The following EPSTI1 variants were observed in gnomAD, a reference collection of about 807,000 sequenced individuals.
EPSTI1 encodes the protein epithelial stromal interaction 1.
EPSTI1 carries 66 observed loss-of-function variants against 49.9 expected under a neutral mutation model. The ratio of observed to expected loss-of-function variants is 1.32; its 90% CI spans 1.08 to 1.62. The LOEUF is 1.62. Ranked by LOEUF, EPSTI1 falls within the 40% of genes most tolerant of loss-of-function variation. The pLI is 0.00. For missense variants in EPSTI1, 394 were observed against 365.5 expected (o/e 1.08, Z -0.64); for synonymous variants, 137 against 130.7 (o/e 1.05, Z -0.33).
Position 42,917,615 on chromosome 13 carries a change from A to G in EPSTI1, c.667T>C (p.Trp223Arg), listed in dbSNP as rs1277274755. The change falls in exon 8 of 11, where the codon TGG becomes CGG. Residue 223 changes from tryptophan to arginine, a missense_variant. Coordinates refer to ENST00000313624, the MANE Select transcript of EPSTI1 (RefSeq NM_033255.5). ...GPQSSTWARS[W>R]AYRDSLKAEE... ...GCCTTTAGAGAATCTCTGTAAGCCCAGCTTCTGGCCTGTAAAGGTACAAAG... is the reference window on the plus strand; with the variant it reads ...GCCTTTAGAGAATCTCTGTAAGCCCGGCTTCTGGCCTGTAAAGGTACAAAG... 1.1e-6 allele frequency: 1 copy of G among 932,396 alleles called. No homozygotes were observed. Among genetic ancestry groups the G allele is most frequent in the African/African-American group, 1.7e-5 (1 of 60,492 alleles). 57.8% of individuals were successfully genotyped at this position (932,396 alleles called of 1,614,324 possible).
intron 6 of EPSTI1, among the ~76,000 whole-genome samples, chr13:42,953,177 G>T (rs924845595): frequency 2.0e-5 from 3 of 151,374 alleles, no homozygotes; most frequent in Non-Finnish European, 4.4e-5. Context: ...TAATAGTCAG[G>T]CACTTTTATG....
intron 8 of EPSTI1, among the ~76,000 whole-genome samples, chr13:42,905,628 C>T (rs1330978504): frequency 2.0e-5 from 3 of 152,168 alleles, no homozygotes; most frequent in African/African-American, 7.2e-5. Flanking sequence ...CATGCAACAT[C>T]TGAGGCATTG....
chr13:42,929,290 C>G (rs2038285799), intron 6 of EPSTI1, among the ~76,000 whole-genome samples: 1 of 152,212 alleles, frequency 6.6e-6, no homozygotes, highest in South Asian at 2.1e-4. Context: ...ACATCATCTC[C>G]TCTAAGTGAA....
intron 1 of EPSTI1, among the ~76,000 whole-genome samples, chr13:42,976,375 T>C (rs1209452192): frequency 1.3e-5 from 2 of 152,178 alleles, no homozygotes; most frequent in Non-Finnish European, 2.9e-5. Context: ...GCTAAATAAA[T>C]AACTCTAAGA....
chr13:42,927,001 A>ACACACACG (rs2038203419), intron 6 of EPSTI1, among the ~76,000 whole-genome samples: 1 of 150,178 alleles, frequency 6.7e-6, no homozygotes, highest in East Asian at 2.0e-4. Flanking sequence ...ACACACACAC[A>ACACACACG]CACACACACA....
At chr13:42,906,670 T>A (rs2037509049) in intron 8 of EPSTI1, among the ~76,000 whole-genome samples, 1 of 152,114 alleles carries the variant, frequency 6.6e-6, no homozygotes, top group African/African-American at 2.4e-5. Flanking sequence ...CAGTAATACC[T>A]TTGCCTTGAA....
chr13:42,898,013 C>T (rs755500955), intron 9 of EPSTI1, among the ~76,000 whole-genome samples: 19 of 152,266 alleles, frequency 1.2e-4, no homozygotes, highest in Non-Finnish European at 2.2e-4. Context: ...TGGCCCAAAT[C>T]CTTTCAAGTC....
intron 9 of EPSTI1, among the ~76,000 whole-genome samples, chr13:42,897,568 T>A (rs73182087): frequency 0.026 from 3,898 of 152,280 alleles, 96 homozygotes; most frequent in East Asian, 0.099. Flanking sequence ...GGATGATGAG[T>A]GCAGACTGCA....
chr13:42,913,752 T>G (rs1255084038), intron 8 of EPSTI1, among the ~76,000 whole-genome samples: 1 of 152,222 alleles, frequency 6.6e-6, no homozygotes, highest in Non-Finnish European at 1.5e-5. Context: ...TCACAACGCC[T>G]AATTTATTTC....
At chr13:42,892,243 G>T (rs1044106999) in intron 10 of EPSTI1, among the ~76,000 whole-genome samples, 25 of 152,224 alleles carry the variant, frequency 1.6e-4, no homozygotes, top group African/African-American at 5.3e-4. Context: ...TGATTTGGGG[G>T]TGGCGAAAGC....
At chr13:42,962,832 C>T (rs569283315) in intron 5 of EPSTI1, among the ~76,000 whole-genome samples, 26 of 152,114 alleles carry the variant, frequency 1.7e-4, no homozygotes, top group African/African-American at 6.3e-4. Context: ...GAATAGCGTA[C>T]ATTATTGACC....
chr13:42,960,165 A>T (rs2039404710), intron 5 of EPSTI1, among the ~76,000 whole-genome samples: 1 of 152,196 alleles, frequency 6.6e-6, no homozygotes, highest in Non-Finnish European at 1.5e-5. Flanking sequence ...ATAATACCGT[A>T]TATTATCTCA....
intron 6 of EPSTI1, among the ~76,000 whole-genome samples, chr13:42,950,404 G>A (rs889600523): frequency 5.3e-5 from 8 of 152,224 alleles, no homozygotes; most frequent in African/African-American, 1.9e-4. Context: ...CAACCTCACA[G>A]GCATTCAATA....
At chr13:42,944,512 C>G (rs2038861245) in intron 6 of EPSTI1, among the ~76,000 whole-genome samples, 1 of 151,946 alleles carries the variant, frequency 6.6e-6, no homozygotes, top group Non-Finnish European at 1.5e-5. Context: ...CACACCAGGG[C>G]CTGTAATGGG....
At position 42,895,053 on chromosome 13, in the gene EPSTI1, C is replaced by G. The variant is rs148470040; in HGVS notation, c.871G>C (p.Glu291Gln). 6.2e-7 allele frequency: 1 copy of G among 1,613,602 alleles called. No homozygotes were observed. Among genetic ancestry groups the G allele is most frequent in the Non-Finnish European group, 8.5e-7 (1 of 1,179,714 alleles). Residue 291 changes from glutamate (E) to glutamine (Q), a missense_variant, in exon 10 of 11, where the codon GAG (glutamate) becomes CAG (glutamine). Glu to Gln is a conservative substitution (Grantham distance 29). Transcript: ENST00000313624. The stretch of plus-strand genomic sequence containing the variant: ...ATATTCCAACAGCCTCCAGATTGCT[C>G]GAGGCCACCTGGTTGACTTTTGCCT... ...LQGKSQPGGL[E>Q]QSGGCWNMNS...
chr13:42,917,316 A>G (rs535210667), intron 8 of EPSTI1, among the ~76,000 whole-genome samples: 2 of 152,292 alleles, frequency 1.3e-5, no homozygotes, highest in South Asian at 2.1e-4. Flanking sequence ...CAACTACAGC[A>G]GATCCACTGT....
At chr13:42,902,244 T>TA (rs2037382583) in intron 8 of EPSTI1, among the ~76,000 whole-genome samples, 1 of 151,992 alleles carries the variant, frequency 6.6e-6, no homozygotes, top group Non-Finnish European at 1.5e-5. Context: ...TTTTTTTTTT[T>TA]AACATTCAAT....
At chr13:42,979,127 C>T (rs911630804) in intron 1 of EPSTI1, among the ~76,000 whole-genome samples, 31 of 152,066 alleles carry the variant, frequency 2.0e-4, no homozygotes, top group African/African-American at 7.0e-4. Context: ...TAACGTATAA[C>T]GTAACTACAG....
At chr13:42,967,342 T>C (rs2039650022) in intron 3 of EPSTI1, among the ~76,000 whole-genome samples, 1 of 151,934 alleles carries the variant, frequency 6.6e-6, no homozygotes, top group African/African-American at 2.4e-5. Flanking sequence ...AACCTGCATT[T>C]TTAAGAGTCT....
Sources: allele counts gnomAD v4.1 joint callset (sites outside exome capture counted in the v4.1 genomes callset), GRCh38; gene constraint gnomAD v4.1.1; transcripts MANE v1.5; gene names NCBI Gene and HGNC (gene_info 2026-07-23, HGNC 2026-07-21).